OSBPL3: variants seen among roughly 807,000 people sequenced by gnomAD.
The protein encoded by OSBPL3 is oxysterol binding protein like 3, also known as oxysterol-binding protein-related protein 3.
OSBPL3 carries 65 observed loss-of-function variants against 120.1 expected under a neutral mutation model. The ratio of observed to expected loss-of-function variants is 0.54; its 90% CI spans 0.44 to 0.67. The LOEUF is 0.67. OSBPL3 is among the 30% of genes least tolerant of loss of function. The probability of loss-of-function intolerance (pLI) is 0.00; values close to 1 mark genes in which losing one functional copy is unlikely to be tolerated. For missense variants in OSBPL3, 1,004 were observed against 1,082.1 expected (o/e 0.93, Z 1.01); for synonymous variants, 416 against 402.6 (o/e 1.03, Z -0.40).
chr7:24,832,914 C>T (rs1234866054), intron 15 of OSBPL3, among the ~76,000 whole-genome samples: 2 of 152,156 alleles, frequency 1.3e-5, no homozygotes, highest in Non-Finnish European at 2.9e-5. Context: ...AGAAGCCTCT[C>T]CTCAAACCTC....
rs1802189744 is a variant in OSBPL3 at position 24,872,014 on chromosome 7, G to A, written c.152C>T (p.Pro51Leu). 2 of 1,613,898 alleles carry A rather than the reference G, an allele frequency of 1.2e-6. No homozygotes were observed. Among genetic ancestry groups the A allele is most frequent in the Non-Finnish European group, 1.7e-6 (2 of 1,179,908 alleles). ...CAGCAAAAATCCTTTCTGAACTGGT[G>A]GCTCCTGGGTGTAATTCATCTCCCC... ...LRGEMNYTQE[P>L]PVQKGFLLKK... Residue 51 changes from proline (P) to leucine (L), a missense_variant, in exon 3 of 23, where the codon CCA becomes CTA. By Grantham distance (98) the Pro-to-Leu change is moderately conservative (BLOSUM62 -3). Coordinates refer to ENST00000313367, the MANE Select transcript of OSBPL3 (RefSeq NM_015550.4). The surrounding 1 kb of genome is among the most constrained non-coding windows in gnomAD (Gnocchi z 4.1).
Position 24,940,611 on chromosome 7 carries a change from G to A in OSBPL3, c.-150+39275C>T, listed in dbSNP as rs1562992776. Reference sequence around the variant, plus strand: ...CTCAAAGTGAGAGCACCAGTGTTTGGCCACTGGAGCGGGCGGCTGAGGTGG... The same window carrying A: ...CTCAAAGTGAGAGCACCAGTGTTTGACCACTGGAGCGGGCGGCTGAGGTGG... On this transcript the variant is annotated intron_variant, in intron 1 of 22. Coordinates refer to ENST00000313367, the MANE Select transcript of OSBPL3 (RefSeq NM_015550.4). The surrounding 1 kb of genome is among the most constrained non-coding windows in gnomAD (Gnocchi z 4.4). Among the ~76,000 whole-genome samples the A allele has an allele frequency of 1.3e-5, 2 of 152,050 alleles. No homozygotes were observed. Among genetic ancestry groups the A allele is most frequent in the Admixed American group, 6.6e-5 (1 of 15,254 alleles).
Position 24,819,940 on chromosome 7 carries a change from T to A in OSBPL3, c.1948+235A>T, listed in dbSNP as rs1196886251. On this transcript the variant is annotated intron_variant, in intron 17 of 22. Coordinates refer to ENST00000313367, the MANE Select transcript of OSBPL3 (RefSeq NM_015550.4). The surrounding 1 kb of genome is among the most constrained non-coding windows in gnomAD (Gnocchi z 4.1). ...TAAATATTTAATGTCTCTTGAAATATGTGAGGCATTTCAAATGATTTTTAC... is the reference window on the plus strand; with the variant it reads ...TAAATATTTAATGTCTCTTGAAATAAGTGAGGCATTTCAAATGATTTTTAC... Among the ~76,000 whole-genome samples the A allele has an allele frequency of 1.3e-5, 2 of 152,198 alleles. No homozygotes were observed. Among genetic ancestry groups the A allele is most frequent in the African/African-American group, 4.8e-5 (2 of 41,454 alleles).
At position 24,855,906 on chromosome 7, in the gene OSBPL3, C is replaced by A. The variant is rs1051442298; in HGVS notation, c.1028-3272G>T. ...CAGAGATTACCAAAGCCACCCACCCCACAACACGACCAACTCTTCACATCT... is the reference window on the plus strand; with the variant it reads ...CAGAGATTACCAAAGCCACCCACCCAACAACACGACCAACTCTTCACATCT... On this transcript the variant is annotated intron_variant, in intron 10 of 22. Coordinates refer to ENST00000313367, the MANE Select transcript of OSBPL3 (RefSeq NM_015550.4). This position sits in a 1 kb window ranked among gnomAD's most constrained non-coding sequence, Gnocchi z 4.3. Among the ~76,000 whole-genome samples the A allele has an allele frequency of 2.0e-5, 3 of 152,182 alleles. No homozygotes were observed. Among genetic ancestry groups the A allele is most frequent in the Non-Finnish European group, 4.4e-5 (3 of 68,040 alleles).
rs1791834393 is a variant in OSBPL3, at chr7:24,797,423, T to TA, written c.*2759dup. Reference sequence around the variant, plus strand: ...GCCCTCAGGTGAACTCCCATCTCTTTAGTTAGGACCAGAATCCACCTGGCT... The same window carrying TA: ...GCCCTCAGGTGAACTCCCATCTCTTTAAGTTAGGACCAGAATCCACCTGGCT... On this transcript the variant is annotated 3_prime_UTR_variant, in exon 23 of 23. Transcript: ENST00000313367. The surrounding 1 kb of genome is among the most constrained non-coding windows in gnomAD (Gnocchi z 4.8). 6.6e-6 allele frequency: 1 copy of TA among 152,170 alleles called. No individual in the cohort carries two copies. Among genetic ancestry groups the TA allele is most frequent in the African/African-American group, 2.4e-5 (1 of 41,446 alleles). 9.4% of individuals were successfully genotyped at this position (152,170 alleles called of 1,614,324 possible). A position where few individuals can be genotyped will look rare whatever the true frequency, so the allele number is the denominator to read the frequency against.
chr7:24,816,964 G>C (rs960502031), intron 17 of OSBPL3, among the ~76,000 whole-genome samples: 4 of 152,206 alleles, frequency 2.6e-5, no homozygotes, highest in East Asian at 1.9e-4. Flanking sequence ...GGCTATAACT[G>C]AGTGTGTTAT....
intron 2 of OSBPL3, among the ~76,000 whole-genome samples, chr7:24,886,873 T>C (rs1804608451): frequency 6.6e-6 from 1 of 152,100 alleles, no homozygotes; most frequent in African/African-American, 2.4e-5. Context: ...TCAACTCTAA[T>C]CAGCCTTTCA....
chr7:24,950,309 A>G (rs42994), intron 1 of OSBPL3, among the ~76,000 whole-genome samples: 1 of 152,268 alleles, frequency 6.6e-6, no homozygotes, highest in Non-Finnish European at 1.5e-5. Context: ...AAATGCCTGT[A>G]TCAATATTCA....
intron 1 of OSBPL3, among the ~76,000 whole-genome samples, chr7:24,925,962 T>C (rs909883587): frequency 1.3e-5 from 2 of 152,240 alleles, no homozygotes; most frequent in African/African-American, 2.4e-5. Flanking sequence ...CTTGTTTCAT[T>C]AAAAGGATCC....
At position 24,872,117 on chromosome 7, in the gene OSBPL3, T is replaced by G; in HGVS notation, c.97-48A>C. On this transcript the variant is annotated intron_variant, in intron 2 of 22. Coordinates refer to ENST00000313367, the MANE Select transcript of OSBPL3 (RefSeq NM_015550.4). The surrounding 1 kb of genome is among the most constrained non-coding windows in gnomAD (Gnocchi z 4.1). The stretch of plus-strand genomic sequence containing the variant: ...GTTAAATGTCTATCTTTTTGAAAAA[T>G]AATAATGGTAAAAAGCACTGCATCC... The G allele has an allele frequency of 7.8e-7, 1 of 1,290,124 alleles. No homozygotes were observed. The highest frequency in any genetic ancestry group is 1.5e-5 in the African/African-American group (1 of 68,610). 79.9% of individuals were successfully genotyped at this position (1,290,124 alleles called of 1,614,324 possible). A position where few individuals can be genotyped will look rare whatever the true frequency, so the allele number is the denominator to read the frequency against.
intron 2 of OSBPL3, among the ~76,000 whole-genome samples, chr7:24,882,566 A>T (rs1803863109): frequency 1.3e-5 from 2 of 152,242 alleles, no homozygotes. Context: ...ATATGAGTGC[A>T]GGTACCTTTT....
In OSBPL3 at chr7:24,873,541, C is replaced by T. The variant is rs1802452327; in HGVS notation, c.97-1472G>A. Among the ~76,000 whole-genome samples the T allele has an allele frequency of 6.6e-6, 1 of 151,502 alleles. No homozygotes were observed. The highest frequency in any genetic ancestry group is 1.9e-4 in the East Asian group (1 of 5,182). Reference sequence around the variant, plus strand: ...TCTGGAGTTGTGAAAAAGACTTCTTCAATGGAAAAAAGCAAAGCTTCGAAA... The same window carrying T: ...TCTGGAGTTGTGAAAAAGACTTCTTTAATGGAAAAAAGCAAAGCTTCGAAA... On this transcript the variant is annotated intron_variant, in intron 2 of 22. Transcript: ENST00000313367. The surrounding 1 kb of genome is among the most constrained non-coding windows in gnomAD (Gnocchi z 4.1).
chr7:24,857,172 G>C (rs1799938646), intron 10 of OSBPL3, among the ~76,000 whole-genome samples: 1 of 152,178 alleles, frequency 6.6e-6, no homozygotes. Context: ...CATAGGGAAA[G>C]AATCCAGAAA....
intron 1 of OSBPL3, among the ~76,000 whole-genome samples, chr7:24,970,308 C>T (rs534251362): frequency 2.6e-5 from 4 of 152,004 alleles, no homozygotes; most frequent in African/African-American, 7.2e-5. Flanking sequence ...GGTTTCACCA[C>T]GCGGCCAGGC....
chr7:24,921,940 C>T (rs757764060), intron 1 of OSBPL3, among the ~76,000 whole-genome samples: 9 of 152,162 alleles, frequency 5.9e-5, no homozygotes, highest in Admixed American at 3.3e-4. Flanking sequence ...AAAGTAGATT[C>T]GTGACTTTTG....
chr7:24,902,543 A>T (rs1807193116), intron 1 of OSBPL3, among the ~76,000 whole-genome samples: 2 of 152,124 alleles, frequency 1.3e-5, no homozygotes, highest in Admixed American at 1.3e-4. Context: ...GGCTGTGATG[A>T]TAATTTTCTA....
chr7:24,839,989 CACAAAAAAAAAAA>C (rs1797512676), intron 14 of OSBPL3, among the ~76,000 whole-genome samples: 3 of 65,312 alleles, frequency 4.6e-5, no homozygotes, highest in African/African-American at 1.1e-4. Flanking sequence ...GACTCCATCT[CACAAAAAAAAAAA>C]AAAAAAAAAA....
intron 16 of OSBPL3, among the ~76,000 whole-genome samples, chr7:24,828,429 GA>G (rs1795945637): frequency 6.6e-6 from 1 of 151,990 alleles, no homozygotes; most frequent in Admixed American, 6.6e-5. Flanking sequence ...CCAATATGGT[GA>G]AATGCCATCT....
chr7:24,885,513 G>A (rs1422263823), intron 2 of OSBPL3, among the ~76,000 whole-genome samples: 4 of 152,180 alleles, frequency 2.6e-5, no homozygotes, highest in African/African-American at 9.7e-5. Context: ...GGTGACAAGA[G>A]TGAATTGCAT....
Sources: allele counts gnomAD v4.1 joint callset (sites outside exome capture counted in the v4.1 genomes callset), GRCh38; gene constraint gnomAD v4.1.1; non-coding constraint Gnocchi (gnomAD v3.1); transcripts MANE v1.5; gene names NCBI Gene and HGNC (gene_info 2026-07-23, HGNC 2026-07-21).